The following DPY19L1 variants were observed in gnomAD, a reference collection of about 807,000 sequenced individuals.
The protein encoded by DPY19L1 is dpy-19 like C-mannosyltransferase 1.
Under a neutral mutation model 96.9 loss-of-function variants are expected in DPY19L1, and 35 were observed. That is an observed-to-expected ratio of 0.36 (90% CI 0.28 to 0.48). The LOEUF (loss-of-function observed/expected upper bound fraction) is 0.48, where lower values mean the gene tolerates loss of function less well. DPY19L1 is among the 20% of genes least tolerant of loss of function. DPY19L1 has a pLI of 0.99. For synonymous variants in DPY19L1, 205 were observed against 252.6 expected (o/e 0.81, Z 1.79); for missense variants, 521 against 777.9 (o/e 0.67, Z 3.93).
At chr7:34,931,875 A>G in intron 21 of DPY19L1, 146 bp from the exon 22 acceptor site, 1 of 1,269,142 alleles carries the variant, frequency 7.9e-7, no homozygotes. Context: ...ATAGCTATTT[A>G]TGTTTTTATA....
chr7:34,929,664 A>C lies in DPY19L1; in HGVS notation c.*1909T>G, dbSNP rs1320997013. The C allele has an allele frequency of 6.6e-6, 1 of 151,578 alleles. No individual in the cohort carries two copies. Among genetic ancestry groups the C allele is most frequent in the Non-Finnish European group, 1.5e-5 (1 of 67,930 alleles). The allele number at this position is 151,578 out of a possible 1,614,324, so 9.4% of individuals were successfully genotyped here. A position where few individuals can be genotyped will look rare whatever the true frequency, so the allele number is the denominator to read the frequency against. On this transcript the variant is annotated 3_prime_UTR_variant, in exon 22 of 22. Transcript: ENST00000638088. ...CAACAATCACAGATAAGCAGCGCGC[A>C]CCTCCCTCTCCCTGCTCATGTCAAC... is the stretch of plus-strand genomic sequence containing the variant.
intron 7 of DPY19L1, among the ~76,000 whole-genome samples, chr7:34,984,240 G>C (rs750280045): frequency 1.3e-5 from 2 of 152,138 alleles, no homozygotes; most frequent in Non-Finnish European, 2.9e-5. Context: ...CAGATCTGCA[G>C]GAAGAAATTA....
At chr7:34,969,571 G>A (rs62461951) in intron 8 of DPY19L1, 39 bp from the exon 9 acceptor site, 205,360 of 1,089,752 alleles carry the variant, frequency 0.19, 21,242 homozygotes, top group Admixed American at 0.41. Context: ...GTTTAAACAC[G>A]AAATAGTCTA....
chr7:35,037,950 C>T, upstream of DPY19L1: 1 of 1,207,552 alleles, frequency 8.3e-7, no homozygotes, highest in Non-Finnish European at 1.0e-6. Flanking sequence ...GGCGCTGATT[C>T]AAGTTTCGGA....
chr7:35,007,559 G>T (rs1785589318), intron 6 of DPY19L1, among the ~76,000 whole-genome samples: 1 of 151,766 alleles, frequency 6.6e-6, no homozygotes, highest in Non-Finnish European at 1.5e-5. Flanking sequence ...CAGTAAGAAG[G>T]CTTTACACAA....
chr7:35,010,845 CTT>C (rs751845602), intron 5 of DPY19L1, among the ~76,000 whole-genome samples: 7 of 152,208 alleles, frequency 4.6e-5, no homozygotes, highest in Non-Finnish European at 7.4e-5. Flanking sequence ...GCTTGTGACT[CTT>C]TCAACAGAGT....
chr7:34,952,129 CAAA>C (rs554761873), intron 13 of DPY19L1, among the ~76,000 whole-genome samples: 3 of 131,162 alleles, frequency 2.3e-5, no homozygotes, highest in Middle Eastern at 3.7e-3. Flanking sequence ...AAAAAGACCA[CAAA>C]AAAAAAACCC....
intron 15 of DPY19L1, 23 bp from the exon 16 acceptor site, chr7:34,945,739 T>C (rs1784131707): frequency 6.6e-7 from 1 of 1,526,124 alleles, no homozygotes; most frequent in Admixed American, 1.8e-5. Flanking sequence ...TTTGAAACAC[T>C]TTAGAAAAGC....
intron 21 of DPY19L1, among the ~76,000 whole-genome samples, chr7:34,936,199 T>C (rs1783864445): frequency 6.6e-6 from 1 of 152,188 alleles, no homozygotes; most frequent in African/African-American, 2.4e-5. Context: ...GTGCAAAGTT[T>C]ATTGCCATAC....
intron 6 of DPY19L1, among the ~76,000 whole-genome samples, chr7:34,995,027 C>T (rs534863437): frequency 1.3e-5 from 2 of 152,188 alleles, no homozygotes; most frequent in East Asian, 3.9e-4. Context: ...ACTTAACTAA[C>T]AAAAGAGGCC....
intron 7 of DPY19L1, among the ~76,000 whole-genome samples, chr7:34,975,432 T>C (rs748531488): frequency 5.9e-5 from 9 of 152,208 alleles, no homozygotes; most frequent in Non-Finnish European, 1.3e-4. Flanking sequence ...GTGAGGAAGC[T>C]GCAGAAGAAA....
At chr7:34,985,985 G>A (rs556028669) in intron 7 of DPY19L1, among the ~76,000 whole-genome samples, 1 of 151,994 alleles carries the variant, frequency 6.6e-6, no homozygotes, top group Admixed American at 6.6e-5. Flanking sequence ...AAAAAAAGAA[G>A]GAAATTATGT....
At chr7:34,985,076 GA>G (rs1199286079) in intron 7 of DPY19L1, among the ~76,000 whole-genome samples, 1 of 152,110 alleles carries the variant, frequency 6.6e-6, no homozygotes, top group Non-Finnish European at 1.5e-5. Context: ...AAGAATGAAA[GA>G]AAAACGAAGT....
intron 3 of DPY19L1, among the ~76,000 whole-genome samples, chr7:35,017,260 G>C (rs534334947): frequency 9.8e-4 from 149 of 151,742 alleles, no homozygotes; most frequent in Non-Finnish European, 1.6e-3. Context: ...TTGGGAGGCC[G>C]AGGCGGGTGG....
At chr7:34,932,621 G>A (rs1402096777) in intron 21 of DPY19L1, among the ~76,000 whole-genome samples, 1 of 152,158 alleles carries the variant, frequency 6.6e-6, no homozygotes, top group Admixed American at 6.5e-5. Context: ...GTAGTGTTGA[G>A]CATACATCTT....
chr7:34,954,092 G>C (rs1784324376), intron 13 of DPY19L1, among the ~76,000 whole-genome samples: 1 of 152,038 alleles, frequency 6.6e-6, no homozygotes, highest in South Asian at 2.1e-4. Flanking sequence ...TTAAATCTTT[G>C]ATAGCCTCCT....
At chr7:34,998,970 C>A (rs1338563372) in intron 6 of DPY19L1, among the ~76,000 whole-genome samples, 1 of 152,076 alleles carries the variant, frequency 6.6e-6, no homozygotes, top group Admixed American at 6.5e-5. Flanking sequence ...GGGAGAAAAA[C>A]CCTGAGAAAA....
At chr7:34,962,720 A>C (rs1784525670) in intron 10 of DPY19L1, among the ~76,000 whole-genome samples, 1 of 152,040 alleles carries the variant, frequency 6.6e-6, no homozygotes, top group Middle Eastern at 3.4e-3. Flanking sequence ...AAAACACAAC[A>C]ACCACCCGTA....
chr7:34,949,873 G>T lies in DPY19L1; in HGVS notation c.1346C>A (p.Ser449Ter). 1 of 1,597,004 alleles carries T rather than the reference G, an allele frequency of 6.3e-7. No individual in the cohort carries two copies. Residue 449 changes from serine (S) to a stop codon, truncating the protein, a stop_gained, in exon 14 of 22, where the codon TCA (serine) becomes TAA (stop). Coordinates refer to ENST00000638088, the MANE Select transcript of DPY19L1 (RefSeq NM_001366673.1). LOFTEE classifies it high-confidence loss of function. ...DDAHIGNLLT[S>*]KFFSYKDFDT... is the part of the protein sequence containing the mutation. ...AAAATCCTTATAACTAAAGAATTTT[G>T]ATGTTAGTAAGTTGCCAATATGAGC...
Sources: gnomAD v4.1 joint callset for allele counts (sites outside exome capture counted in the v4.1 genomes callset) on GRCh38, gnomAD v4.1.1 for gene constraint, MANE v1.5 for transcripts, NCBI Gene and HGNC (gene_info 2026-07-23, HGNC 2026-07-21) for gene names.